PLD1: variants seen among roughly 807,000 people sequenced by gnomAD.
PLD1 encodes the protein choline phosphatase 1.
In PLD1, 112 loss-of-function variants were observed where a neutral mutation model predicts 137.1. The observed-to-expected ratio is 0.82, with a 90% CI of 0.70 to 0.96. PLD1 has a LOEUF of 0.96. Among genes scored for constraint, PLD1 ranks in the 40% least tolerant of loss-of-function variants. PLD1 has a pLI of 0.00. For missense variants in PLD1, 1,321 were observed against 1,342.0 expected (o/e 0.98, Z 0.24); for synonymous variants, 431 against 454.7 (o/e 0.95, Z 0.66).
chr3:171,773,423 T>TA (rs1722475243), intron 1 of PLD1, among the ~76,000 whole-genome samples: 1 of 151,950 alleles, frequency 6.6e-6, no homozygotes. Context: ...AAACCCCATC[T>TA]AAACCCCGTC....
At chr3:171,608,307 CT>C (rs1294813817) in intron 25 of PLD1, among the ~76,000 whole-genome samples, 1 of 151,742 alleles carries the variant, frequency 6.6e-6, no homozygotes, top group Non-Finnish European at 1.5e-5. Flanking sequence ...ATACCTTGTT[CT>C]TCAACAAGAT....
chr3:171,675,627 C>T (rs1578244976), intron 18 of PLD1, among the ~76,000 whole-genome samples: 1 of 152,052 alleles, frequency 6.6e-6, no homozygotes, highest in Non-Finnish European at 1.5e-5. Context: ...AAAGTAACAC[C>T]CCATTTGTTT....
At chr3:171,626,771 A>G (rs914980319) in intron 23 of PLD1, among the ~76,000 whole-genome samples, 4 of 151,810 alleles carry the variant, frequency 2.6e-5, no homozygotes, top group South Asian at 4.1e-4. Flanking sequence ...AAGTGAAGGA[A>G]AAATAAAATA....
intron 1 of PLD1, among the ~76,000 whole-genome samples, chr3:171,770,046 A>G (rs1722234220): frequency 6.6e-6 from 1 of 152,192 alleles, no homozygotes; most frequent in Non-Finnish European, 1.5e-5. Flanking sequence ...TTTGGTGGCA[A>G]ATTAATAAAG....
At chr3:171,623,404 T>C (rs1733812393) in intron 23 of PLD1, among the ~76,000 whole-genome samples, 1 of 145,926 alleles carries the variant, frequency 6.9e-6, no homozygotes, top group African/African-American at 2.6e-5. Flanking sequence ...AAGCTCCGCC[T>C]CCCGGGTTCA....
rs139363214 is a variant in PLD1, at chr3:171,676,764, G to A, written c.2066C>T (p.Ala689Val). 128 of 1,614,048 alleles carry A rather than the reference G, an allele frequency of 7.9e-5. No homozygotes were observed. Among genetic ancestry groups the A allele is most frequent in the Non-Finnish European group, 8.9e-5 (105 of 1,180,018 alleles). ...GAAGTGACGTGCCACATCACGAGCC[G>A]CCTTCCCGTGGACTGCAGAGGCAAT... ...HDIASAVHGKAARDVARHFIQ... is the reference protein window; with the variant it reads ...HDIASAVHGKVARDVARHFIQ... Residue 689 changes from alanine (A) to valine (V), a missense_variant, in exon 18 of 27, where the codon GCG becomes GTG. Coordinates refer to ENST00000351298, the MANE Select transcript of PLD1 (RefSeq NM_002662.5).
chr3:171,787,407 C>CT (rs963436190), intron 1 of PLD1, among the ~76,000 whole-genome samples: 6 of 151,276 alleles, frequency 4.0e-5, no homozygotes, highest in Admixed American at 1.3e-4. Flanking sequence ...GCAATGCCTT[C>CT]TTTTTTTTTC....
chr3:171,756,754 G>A (rs146353122), intron 1 of PLD1, among the ~76,000 whole-genome samples: 1 of 152,274 alleles, frequency 6.6e-6, no homozygotes, highest in Non-Finnish European at 1.5e-5. Context: ...ACTATAAATA[G>A]TGGCAAAATT....
intron 11 of PLD1, among the ~76,000 whole-genome samples, chr3:171,707,641 G>A (rs191255693): frequency 2.1e-3 from 314 of 152,166 alleles, no homozygotes; most frequent in Non-Finnish European, 3.3e-3. Flanking sequence ...ATTCCCAGCC[G>A]ACAAGGATCT....
chr3:171,692,912 T>C (rs1198538813), intron 12 of PLD1, among the ~76,000 whole-genome samples: 1 of 152,230 alleles, frequency 6.6e-6, no homozygotes, highest in Non-Finnish European at 1.5e-5. Flanking sequence ...AGTGCGTATA[T>C]TGAGACACAA....
chr3:171,687,087 T>C lies in PLD1; in HGVS notation c.1753+284A>G, dbSNP rs542257418. ...AAGTACATCTAATACCTTTTTCTTT[T>C]ATGGCTTGGCATATTTTAGAAACCC... On this transcript the variant is annotated intron_variant, in intron 15 of 26. Transcript: ENST00000351298. Among the ~76,000 whole-genome samples the C allele has an allele frequency of 1.3e-4, 20 of 152,398 alleles. No individual in the cohort carries two copies. In the South Asian group the frequency reaches 3.5e-3, roughly 27 times the overall value.
chr3:171,694,045 T>C (rs1403353721), intron 12 of PLD1, among the ~76,000 whole-genome samples: 1 of 152,158 alleles, frequency 6.6e-6, no homozygotes, highest in Non-Finnish European at 1.5e-5. Context: ...GTTCTGCCAA[T>C]ACTAAAAAGC....
intron 6 of PLD1, among the ~76,000 whole-genome samples, chr3:171,732,625 G>A (rs974852216): frequency 3.9e-5 from 6 of 152,068 alleles, no homozygotes; most frequent in African/African-American, 9.7e-5. Context: ...CTAAACTAGC[G>A]GACAAATCAC....
At chr3:171,665,695 C>T (rs552447086) in intron 19 of PLD1, among the ~76,000 whole-genome samples, 26 of 149,230 alleles carry the variant, frequency 1.7e-4, no homozygotes, top group Admixed American at 1.1e-3. Context: ...AGTGAAACTG[C>T]GTCTCAAAAG....
Position 171,673,230 on chromosome 3 carries a change from T to C in PLD1, c.2229+1270A>G, listed in dbSNP as rs1712971559. Among the ~76,000 whole-genome samples the C allele has an allele frequency of 3.4e-5, 5 of 149,082 alleles. No individual in the cohort carries two copies. The South Asian group carries it at 1.0e-3, about 31-fold the overall frequency. On this transcript the variant is annotated intron_variant, in intron 19 of 26. Coordinates refer to ENST00000351298, the MANE Select transcript of PLD1 (RefSeq NM_002662.5). ...CTATGCCTCTGAGTTTAAATTAGTT[T>C]TCTTTTTAGCCTGGGATGACTAATA...
At chr3:171,690,022 C>T (rs757280865) in intron 13 of PLD1, among the ~76,000 whole-genome samples, 2 of 152,168 alleles carry the variant, frequency 1.3e-5, no homozygotes, top group Non-Finnish European at 2.9e-5. Context: ...GGCTTTTCAT[C>T]TGGGGGAGAT....
chr3:171,787,158 T>C (rs1016150268), intron 1 of PLD1, among the ~76,000 whole-genome samples: 1 of 152,126 alleles, frequency 6.6e-6, no homozygotes, highest in Non-Finnish European at 1.5e-5. Context: ...TCCCAATCAA[T>C]GCCCATTCTG....
In PLD1 at chr3:171,682,164, GAAAA is replaced by G. The variant is rs71750287; in HGVS notation, c.1868-4474_1868-4471del. On this transcript the variant is annotated intron_variant, in intron 16 of 26. Coordinates refer to ENST00000351298, the MANE Select transcript of PLD1 (RefSeq NM_002662.5). The stretch of plus-strand genomic sequence containing the variant: ...AGAAAGAAAGAAAGAAAGAAAGAAA[GAAAA>G]AGAAAGAAAGAAAGAAAGAAAGGGA... 2.3e-3 allele frequency among the ~76,000 whole-genome samples: 66 copies of G among 28,760 alleles called. 1 individual carries two copies. Among genetic ancestry groups the G allele is most frequent in the African/African-American group, 9.2e-3 (51 of 5,562 alleles). The allele number at this position is 28,760 out of a possible 152,430, so 18.9% of individuals were successfully genotyped here.
chr3:171,668,713 T>C (rs1311902197), intron 19 of PLD1, among the ~76,000 whole-genome samples: 1 of 152,154 alleles, frequency 6.6e-6, no homozygotes, highest in Non-Finnish European at 1.5e-5. Flanking sequence ...AGCATGACTG[T>C]CCAAGGAATG....
Sources: gnomAD v4.1 joint callset for allele counts (sites outside exome capture counted in the v4.1 genomes callset) on GRCh38, gnomAD v4.1.1 for gene constraint, MANE v1.5 for transcripts, NCBI Gene and HGNC (gene_info 2026-07-23, HGNC 2026-07-21) for gene names.